Variants in MYRIP observed in about 807,000 individuals in gnomAD.
The protein encoded by MYRIP is myosin VIIA and Rab interacting protein.
In MYRIP, 49 loss-of-function variants were observed where a neutral mutation model predicts 98.0. The ratio of observed to expected loss-of-function variants is 0.50; its 90% CI spans 0.40 to 0.63. The LOEUF is 0.63. Ranked by LOEUF, MYRIP falls within the 30% of genes least tolerant of loss-of-function variation. The pLI is 0.00. For synonymous variants in MYRIP, 404 were observed against 409.5 expected (o/e 0.99, Z 0.16); for missense variants, 1,004 against 1,058.2 (o/e 0.95, Z 0.71).
chr3:39,988,076 C>T (rs752535172), intron 2 of MYRIP, among the ~76,000 whole-genome samples: 9 of 151,908 alleles, frequency 5.9e-5, no homozygotes, highest in Non-Finnish European at 1.2e-4. Context: ...AACCAAACAC[C>T]GCATATTCTG....
intron 2 of MYRIP, among the ~76,000 whole-genome samples, chr3:40,007,309 T>C (rs530600545): frequency 6.6e-5 from 10 of 151,652 alleles, no homozygotes; most frequent in African/African-American, 2.4e-4. Flanking sequence ...CAGAGCAGGC[T>C]GTCCTCTGAC....
At chr3:40,167,130 A>G (rs1210757218) in intron 6 of MYRIP, 29 bp from the exon 7 acceptor site, 12 of 1,610,340 alleles carry the variant, frequency 7.5e-6, no homozygotes, top group Non-Finnish European at 1.0e-5. Context: ...ATCCACCCAC[A>G]GCACACAGCC....
chr3:40,021,112 C>T (rs1182791901), intron 2 of MYRIP, among the ~76,000 whole-genome samples: 1 of 152,166 alleles, frequency 6.6e-6, no homozygotes, highest in Non-Finnish European at 1.5e-5. Context: ...GCAAGGAAGC[C>T]TTTACCCCCC....
intron 2 of MYRIP, among the ~76,000 whole-genome samples, chr3:39,920,517 T>G (rs1361563843): frequency 6.6e-6 from 1 of 152,216 alleles, no homozygotes; most frequent in Non-Finnish European, 1.5e-5. Flanking sequence ...CTCAGATGTC[T>G]TTTATTTAGG....
intron 2 of MYRIP, among the ~76,000 whole-genome samples, chr3:39,967,003 T>C (rs754488439): frequency 1.3e-5 from 2 of 152,212 alleles, no homozygotes; most frequent in Non-Finnish European, 2.9e-5. Flanking sequence ...CTGAACAAGC[T>C]ATGTCATTTC....
intron 2 of MYRIP, among the ~76,000 whole-genome samples, chr3:40,039,691 A>G (rs1947467142): frequency 6.6e-6 from 1 of 150,662 alleles, no homozygotes; most frequent in South Asian, 2.1e-4. Flanking sequence ...AGATGAGAAT[A>G]TAGTGTTGAG....
At chr3:40,141,306 GT>G (rs1385734165) in intron 3 of MYRIP, among the ~76,000 whole-genome samples, 1 of 151,982 alleles carries the variant, frequency 6.6e-6, no homozygotes, top group Non-Finnish European at 1.5e-5. Context: ...TGGATTGTTT[GT>G]TTTTTTGCTG....
chr3:40,212,495 G>A (rs191459388), intron 11 of MYRIP, among the ~76,000 whole-genome samples: 297 of 152,178 alleles, frequency 2.0e-3, no homozygotes, highest in Middle Eastern at 6.8e-3. Flanking sequence ...TCGCCCAGGC[G>A]CAGTGGCTCA....
intron 1 of MYRIP, among the ~76,000 whole-genome samples, chr3:39,888,463 A>G (rs1185664680): frequency 1.3e-5 from 2 of 152,220 alleles, no homozygotes; most frequent in African/African-American, 4.8e-5. Flanking sequence ...TGCTGGGAAA[A>G]CTGGCTAGCC....
intron 1 of MYRIP, among the ~76,000 whole-genome samples, chr3:39,873,825 C>A (rs1390909484): frequency 2.0e-5 from 3 of 149,468 alleles, no homozygotes; most frequent in Non-Finnish European, 3.0e-5. Context: ...GATGTGGGCC[C>A]TTTTTTGGTT....
At chr3:39,845,761 GCACAGATAC>G (rs1669905517) in intron 1 of MYRIP, among the ~76,000 whole-genome samples, 1 of 149,988 alleles carries the variant, frequency 6.7e-6, no homozygotes, top group African/African-American at 2.5e-5. Context: ...TTTTTTCTAA[GCACAGATAC>G]TGATCCAGGC....
intron 3 of MYRIP, among the ~76,000 whole-genome samples, chr3:40,130,003 C>T (rs75945130): frequency 0.01 from 1,561 of 152,266 alleles, 24 homozygotes; most frequent in African/African-American, 0.036. Flanking sequence ...TTAGTATTCG[C>T]AGTATGATGT....
At chr3:40,191,483 T>G (rs1026129772) in intron 10 of MYRIP, among the ~76,000 whole-genome samples, 4 of 152,126 alleles carry the variant, frequency 2.6e-5, no homozygotes, top group African/African-American at 9.7e-5. Flanking sequence ...CCCCTATGGC[T>G]GCAGACAACT....
intron 2 of MYRIP, among the ~76,000 whole-genome samples, chr3:39,910,206 T>G (rs1182344955): frequency 6.6e-6 from 1 of 152,200 alleles, no homozygotes; most frequent in Non-Finnish European, 1.5e-5. Flanking sequence ...CTTATCTATT[T>G]ACAAAATGGG....
intron 11 of MYRIP, among the ~76,000 whole-genome samples, chr3:40,219,845 T>C (rs1178592635): frequency 6.6e-6 from 1 of 151,268 alleles, no homozygotes; most frequent in African/African-American, 2.4e-5. Context: ...TTTGGGTATA[T>C]ACCCAGTAAT....
At chr3:40,131,685 A>G (rs1014510396) in intron 3 of MYRIP, among the ~76,000 whole-genome samples, 1 of 152,196 alleles carries the variant, frequency 6.6e-6, no homozygotes, top group African/African-American at 2.4e-5. Context: ...TAATACCACT[A>G]TTTAGAGATA....
intron 2 of MYRIP, among the ~76,000 whole-genome samples, chr3:39,966,387 A>G (rs1191940460): frequency 6.6e-6 from 1 of 152,076 alleles, no homozygotes; most frequent in Admixed American, 6.6e-5. Context: ...TGACCACTAT[A>G]TTTTCTTGCT....
At chr3:40,164,508 T>TG (rs1950463549) in intron 5 of MYRIP, among the ~76,000 whole-genome samples, 2 of 152,170 alleles carry the variant, frequency 1.3e-5, no homozygotes, top group Admixed American at 1.3e-4. Flanking sequence ...ACACCCACAT[T>TG]GTGGAGGGCA....
At chr3:39,970,069 A>C (rs1344433697) in intron 2 of MYRIP, 1 of 152,144 alleles carries the variant, frequency 6.6e-6, no homozygotes, top group African/African-American at 2.4e-5. Context: ...CCAGTAATTC[A>C]TCTGTCTCTT....
Sources: gnomAD v4.1 joint callset for allele counts (sites outside exome capture counted in the v4.1 genomes callset) on GRCh38, gnomAD v4.1.1 for gene constraint, MANE v1.5 for transcripts, NCBI Gene and HGNC (gene_info 2026-07-23, HGNC 2026-07-21) for gene names.